Variants in SMARCA2 observed in about 807,000 individuals in gnomAD.
SMARCA2 encodes SWI/SNF related BAF chromatin remodeling complex subunit ATPase 2.
SMARCA2 carries 61 observed loss-of-function variants against 199.8 expected under a neutral mutation model. The observed-to-expected ratio is 0.31, with a 90% CI of 0.25 to 0.38. The LOEUF is 0.38. Among genes scored for constraint, SMARCA2 ranks in the 10% least tolerant of loss-of-function variants. The probability of loss-of-function intolerance (pLI) is 1.00; values close to 1 mark genes in which losing one functional copy is unlikely to be tolerated. For missense variants in SMARCA2, 1,344 were observed against 2,012.2 expected (o/e 0.67, Z 6.35); for synonymous variants, 935 against 732.0 (o/e 1.28, Z -4.48).
chr9:2,119,880 T>C lies in SMARCA2; in HGVS notation c.3762+345T>C, dbSNP rs1428267355. ...TGCACTCTCTGGACAGGCCTCGCGG[T>C]CTACAGCTTACCATAGACGCCCTCC... On this transcript the variant is annotated intron_variant, in intron 26 of 33. Coordinates refer to ENST00000349721, the MANE Select transcript of SMARCA2 (RefSeq NM_003070.5). This position sits in a 1 kb window ranked among gnomAD's most constrained non-coding sequence, Gnocchi z 4.6. Among the ~76,000 whole-genome samples the C allele has an allele frequency of 6.6e-6, 1 of 152,202 alleles. No individual in the cohort carries two copies. The highest frequency in any genetic ancestry group is 1.5e-5 in the Non-Finnish European group (1 of 68,044).
chr9:2,112,800 T>C (rs1823060147), intron 24 of SMARCA2, among the ~76,000 whole-genome samples: 1 of 152,236 alleles, frequency 6.6e-6, no homozygotes, highest in Non-Finnish European at 1.5e-5. Context: ...AGTGATTTTA[T>C]AGTGATAAAG....
At chr9:2,147,716 G>A (rs764194178) in intron 27 of SMARCA2, among the ~76,000 whole-genome samples, 3 of 147,186 alleles carry the variant, frequency 2.0e-5, no homozygotes, top group African/African-American at 4.9e-5. Context: ...CGTGGTGGGC[G>A]GGCACTTGTA....
intron 27 of SMARCA2, among the ~76,000 whole-genome samples, chr9:2,135,159 T>C (rs1824139199): frequency 6.6e-6 from 1 of 152,148 alleles, no homozygotes; most frequent in Non-Finnish European, 1.5e-5. Context: ...AATCCTGGAT[T>C]ACGAAGACCT....
chr9:2,152,660 T>G (rs1340735757), intron 27 of SMARCA2, among the ~76,000 whole-genome samples: 2 of 152,134 alleles, frequency 1.3e-5, no homozygotes, highest in Non-Finnish European at 2.9e-5. Context: ...AGGACCAGCC[T>G]GGCCAACATG....
rs943380383 is a variant in SMARCA2 at position 2,095,677 on chromosome 9, C to T, written c.2884-980C>T. 3.9e-5 allele frequency among the ~76,000 whole-genome samples: 6 copies of T among 152,272 alleles called. No individual in the cohort carries two copies. The South Asian group carries it at 6.2e-4, about 16-fold the overall frequency. ...TTCCATGTGGCCTGACAGATTCCTT[C>T]GAAAGCAACAATTGAAGGAATATTC... On this transcript the variant is annotated intron_variant, in intron 19 of 33. Transcript: ENST00000349721.
At chr9:2,153,946 T>A (rs1036024209) in intron 27 of SMARCA2, among the ~76,000 whole-genome samples, 1 of 152,254 alleles carries the variant, frequency 6.6e-6, no homozygotes, top group African/African-American at 2.4e-5. Flanking sequence ...CTGGCAAGTA[T>A]AACTTAGCCT....
intron 20 of SMARCA2, 73 bp downstream of exon 20, chr9:2,096,837 C>A: frequency 1.1e-6 from 1 of 900,412 alleles, no homozygotes; most frequent in Non-Finnish European, 1.9e-6. Context: ...TGAATATTCA[C>A]AGGAAGCATC....
chr9:2,159,791 GCT>G (rs1825569441), intron 27 of SMARCA2: 6 of 1,600,998 alleles, frequency 3.7e-6, no homozygotes, highest in East Asian at 2.2e-5. Context: ...CCTTTCCCCA[GCT>G]CTCTTTTTTT....
At chr9:2,071,314 C>G (rs1821076481) in intron 10 of SMARCA2, among the ~76,000 whole-genome samples, 1 of 152,156 alleles carries the variant, frequency 6.6e-6, no homozygotes, top group South Asian at 2.1e-4. Context: ...TACTTAACCA[C>G]TATAATCTAT....
rs542121022 is a variant in SMARCA2 at position 2,096,449 on chromosome 9, C to G, written c.2884-208C>G. On this transcript the variant is annotated intron_variant, in intron 19 of 33. Transcript: ENST00000349721. Reference sequence around the variant, plus strand: ...CCTAGCATCAATTACATATAACCTTCAGAAGGCCCCCCCATCATAATGGTA... The same window carrying G: ...CCTAGCATCAATTACATATAACCTTGAGAAGGCCCCCCCATCATAATGGTA... Among the ~76,000 whole-genome samples the G allele has an allele frequency of 1.1e-4, 17 of 152,294 alleles. No homozygotes were observed. The South Asian group carries it at 3.3e-3, about 30-fold the overall frequency.
chr9:2,063,001 T>C (rs1012196327), intron 9 of SMARCA2, among the ~76,000 whole-genome samples: 2 of 152,178 alleles, frequency 1.3e-5, no homozygotes, highest in Non-Finnish European at 2.9e-5. Flanking sequence ...ACCTTACAGA[T>C]ATCTTTGAGT....
At chr9:2,118,494 T>C (rs534325912) in intron 25 of SMARCA2, among the ~76,000 whole-genome samples, 1 of 152,348 alleles carries the variant, frequency 6.6e-6, no homozygotes, top group South Asian at 2.1e-4. Context: ...TTTTTGAATA[T>C]ACAGTTTGTG....
intron 7 of SMARCA2, among the ~76,000 whole-genome samples, chr9:2,057,071 A>G (rs1820385944): frequency 5.9e-5 from 9 of 152,262 alleles, no homozygotes. Context: ...ATTGCTTAGC[A>G]GCACAATGAG....
chr9:2,078,520 A>G (rs769535356), intron 14 of SMARCA2, among the ~76,000 whole-genome samples: 1 of 152,070 alleles, frequency 6.6e-6, no homozygotes, highest in African/African-American at 2.4e-5. Flanking sequence ...GCTTTGATTA[A>G]AAATTAGGCC....
rs1192683618 is a variant in SMARCA2 at position 2,057,728 on chromosome 9, T to G, written c.1348-563T>G. 3.4e-4 allele frequency among the ~76,000 whole-genome samples: 52 copies of G among 152,214 alleles called. 1 individual carries two copies. The highest frequency in any genetic ancestry group is 3.4e-3 in the Admixed American group (52 of 15,290). ...CATAGTCCTGTAAATTGTATTTGTTTTCCTGTGCTTAATTTAGTGCTTAGC... is the reference window on the plus strand; with the variant it reads ...CATAGTCCTGTAAATTGTATTTGTTGTCCTGTGCTTAATTTAGTGCTTAGC... On this transcript the variant is annotated intron_variant, in intron 7 of 33. Transcript: ENST00000349721.
chr9:2,048,702 C>T (rs1819989548), intron 5 of SMARCA2, among the ~76,000 whole-genome samples: 2 of 152,126 alleles, frequency 1.3e-5, no homozygotes, highest in African/African-American at 4.8e-5. Context: ...TTATTCTCAT[C>T]ACTATTAATA....
rs1314260879 is a variant in SMARCA2, at chr9:2,016,125, G to C, written c.-37+721G>C. ...TGAGCTGACGCGCGAAGGAGGTAGC[G>C]GCCACTGCCGCGGGGCCGGTGCGTG... On this transcript the variant is annotated intron_variant, in intron 1 of 33. Transcript: ENST00000349721. This position sits in a 1 kb window ranked among gnomAD's most constrained non-coding sequence, Gnocchi z 5.6. 1 of 152,408 alleles carries C rather than the reference G, an allele frequency of 6.6e-6. No homozygotes were observed. The highest frequency in any genetic ancestry group is 1.5e-5 in the Non-Finnish European group (1 of 68,204). The allele number at this position is 152,408 out of a possible 1,614,324, so 9.4% of individuals were successfully genotyped here.
chr9:2,188,357 G>A (rs1360764294), intron 32 of SMARCA2, among the ~76,000 whole-genome samples: 2 of 151,952 alleles, frequency 1.3e-5, no homozygotes, highest in Non-Finnish European at 2.9e-5. Flanking sequence ...CACAGAGAAT[G>A]GAGTTTCCAT....
At chr9:2,087,836 T>G (rs776870414) in intron 18 of SMARCA2, among the ~76,000 whole-genome samples, 1 of 152,206 alleles carries the variant, frequency 6.6e-6, no homozygotes. Flanking sequence ...CCATCCTCAG[T>G]AGTTAACTCA....
Sources: gnomAD v4.1 joint callset for allele counts (sites outside exome capture counted in the v4.1 genomes callset) on GRCh38, gnomAD v4.1.1 for gene constraint, Gnocchi (gnomAD v3.1) non-coding constraint, MANE v1.5 for transcripts, NCBI Gene and HGNC (gene_info 2026-07-23, HGNC 2026-07-21) for gene names.